The following TENM3 variants were observed in gnomAD, a reference collection of about 807,000 sequenced individuals.
TENM3 encodes teneurin-3.
TENM3 carries 63 observed loss-of-function variants against 255.1 expected under a neutral mutation model. That is an observed-to-expected ratio of 0.25 (90% CI 0.20 to 0.30). TENM3 has a LOEUF of 0.30. TENM3 is among the 10% of genes least tolerant of loss of function. The probability of loss-of-function intolerance (pLI) is 1.00; values close to 1 mark genes in which losing one functional copy is unlikely to be tolerated. For missense variants in TENM3, 2,929 were observed against 3,461.1 expected, an observed-to-expected ratio of 0.85 and a Z score of 3.86; for synonymous variants, 1,306 against 1,322.3, an observed-to-expected ratio of 0.99 and a Z score of 0.27.
chr4:181,812,796 C>T, the TENM3 span, among the ~76,000 whole-genome samples: 177 of 152,256 alleles, frequency 1.2e-3, no homozygotes, highest in Non-Finnish European at 2.1e-3. Context: ...CACCCATGAT[C>T]AGAGTCACAG....
At chr4:182,083,545 C>A in the TENM3 span, among the ~76,000 whole-genome samples, 1 of 152,062 alleles carries the variant, frequency 6.6e-6, no homozygotes, top group Non-Finnish European at 1.5e-5. Context: ...GGTAAATGTG[C>A]CGCATTTTAG....
At chr4:182,117,472 T>G in the TENM3 span, among the ~76,000 whole-genome samples, 13 of 152,234 alleles carry the variant, frequency 8.5e-5, no homozygotes, top group African/African-American at 2.7e-4. Context: ...TGAGTTAATT[T>G]TTGTGAACAT....
At chr4:182,322,027 C>T (rs1763085906) in intron 1 of TENM3, among the ~76,000 whole-genome samples, 1 of 152,010 alleles carries the variant, frequency 6.6e-6, no homozygotes, top group South Asian at 2.1e-4. Flanking sequence ...TGTTTTAATC[C>T]TTTGGTATAA....
intron 4 of TENM3, among the ~76,000 whole-genome samples, chr4:182,610,985 G>T (rs1748945248): frequency 6.7e-6 from 1 of 149,904 alleles, no homozygotes; most frequent in Admixed American, 6.7e-5. Flanking sequence ...AGGCTCATGT[G>T]ATGCTCTCAC....
At position 182,799,506 on chromosome 4, in the gene TENM3, C is replaced by T. The variant is rs1036501197; in HGVS notation, c.7345-90C>T. ...GACCCCGGGGCTTCCATGCATGCCC[C>T]GGCGCTGCCCCCAGAGTCCCGTGTG... is the stretch of plus-strand genomic sequence containing the variant. On this transcript the variant is annotated intron_variant, in intron 27 of 27. Coordinates refer to ENST00000511685, the MANE Select transcript of TENM3 (RefSeq NM_001080477.4). The surrounding 1 kb of genome is among the most constrained non-coding windows in gnomAD (Gnocchi z 4.2). 2.0e-6 allele frequency: 3 copies of T among 1,476,636 alleles called. No homozygotes were observed. Among genetic ancestry groups the T allele is most frequent in the Admixed American group, 2.7e-5 (1 of 37,200 alleles). The allele number at this position is 1,476,636 out of a possible 1,614,324, so 91.5% of individuals were successfully genotyped here.
the TENM3 span, among the ~76,000 whole-genome samples, chr4:181,752,701 G>A: frequency 4.6e-5 from 7 of 151,758 alleles, no homozygotes; most frequent in South Asian, 4.2e-4. Context: ...AACCCCTGCC[G>A]CAGACAGCAC....
chr4:182,129,113 G>A, the TENM3 span, among the ~76,000 whole-genome samples: 9 of 152,162 alleles, frequency 5.9e-5, no homozygotes, highest in East Asian at 1.9e-4. Context: ...GACAGCTAGC[G>A]CTGTGCAAAG....
In TENM3 at chr4:182,754,503, G is replaced by A. The variant is rs1762588195; in HGVS notation, c.4136G>A (p.Gly1379Glu). The A allele has an allele frequency of 6.2e-7, 1 of 1,613,734 alleles. No homozygotes were observed. Among genetic ancestry groups the A allele is most frequent in the Non-Finnish European group, 8.5e-7 (1 of 1,179,830 alleles). Reference sequence around the variant, plus strand: ...AATCGTCAAGTTCGCATTGCTGCTGGACGGCCCATGCACTGTCAGGTTCCC... The same window carrying A: ...AATCGTCAAGTTCGCATTGCTGCTGAACGGCCCATGCACTGTCAGGTTCCC... Reference protein sequence around the residue: ...TENRQVRIAAGRPMHCQVPGV... With the variant: ...TENRQVRIAAERPMHCQVPGV... Residue 1379 changes from glycine to glutamate, a missense_variant, in exon 22 of 28, where the codon GGA (glycine) becomes GAA (glutamate). This residue lies in a region of TENM3 where 1,608 missense variants were observed against 1,884.4 expected (regional missense o/e 0.85). Coordinates refer to ENST00000511685, the MANE Select transcript of TENM3 (RefSeq NM_001080477.4). This position sits in a 1 kb window ranked among gnomAD's most constrained non-coding sequence, Gnocchi z 5.1.
At chr4:181,666,774 T>G in the TENM3 span, among the ~76,000 whole-genome samples, 1 of 152,204 alleles carries the variant, frequency 6.6e-6, no homozygotes, top group South Asian at 2.1e-4. Flanking sequence ...ATAAAAAGAA[T>G]ACTGGATTTA....
intron 15 of TENM3, 128 bp downstream of exon 15, chr4:182,730,447 T>G (rs1437774271): frequency 9.9e-7 from 1 of 1,005,684 alleles, no homozygotes; most frequent in Non-Finnish European, 1.4e-6. Flanking sequence ...CTCTACAAAC[T>G]TGTGACAGTA....
the TENM3 span, among the ~76,000 whole-genome samples, chr4:181,821,863 T>C: frequency 2.0e-5 from 3 of 152,176 alleles, no homozygotes; most frequent in Non-Finnish European, 4.4e-5. Context: ...TTAGACAGGA[T>C]TAGTATCAAC....
chr4:182,567,114 C>G (rs971644915), intron 3 of TENM3, among the ~76,000 whole-genome samples: 1 of 152,156 alleles, frequency 6.6e-6, no homozygotes, highest in Non-Finnish European at 1.5e-5. Context: ...CCCTGGAAAT[C>G]AAAACGTAGG....
chr4:182,280,159 G>T lies in TENM3; in HGVS notation c.-76+36683G>T, dbSNP rs529469894. Among the ~76,000 whole-genome samples the T allele has an allele frequency of 3.3e-5, 5 of 152,300 alleles. No homozygotes were observed. The South Asian group carries it at 8.3e-4, about 25-fold the overall frequency. On this transcript the variant is annotated intron_variant, in intron 1 of 27. Coordinates refer to ENST00000511685, the MANE Select transcript of TENM3 (RefSeq NM_001080477.4). ...ACATCAAAACTCCTGTCCTTTAAAT[G>T]ACCATTCAGTTGGAGACTTCTTTTG...
At chr4:181,932,761 A>ACCCAAAT in the TENM3 span, among the ~76,000 whole-genome samples, 1 of 152,212 alleles carries the variant, frequency 6.6e-6, no homozygotes, top group Non-Finnish European at 1.5e-5. Context: ...CTTGGAACCA[A>ACCCAAAT]CCCAAATGCC....
At chr4:182,655,084 A>C (rs1309720120) in intron 6 of TENM3, among the ~76,000 whole-genome samples, 1 of 152,206 alleles carries the variant, frequency 6.6e-6, no homozygotes, top group East Asian at 1.9e-4. Context: ...AGAGGGTTGA[A>C]ACTATAGATT....
intron 3 of TENM3, among the ~76,000 whole-genome samples, chr4:182,402,235 T>C: frequency 6.6e-6 from 1 of 152,234 alleles, no homozygotes; most frequent in Middle Eastern, 3.2e-3. Flanking sequence ...TCGTTTATTT[T>C]GCTATTCTTA....
intron 1 of TENM3, among the ~76,000 whole-genome samples, chr4:182,231,511 T>G (rs1041807296): frequency 2.6e-5 from 4 of 152,198 alleles, no homozygotes; most frequent in African/African-American, 7.2e-5. Flanking sequence ...CGTGCCCATT[T>G]GCTCAGCTTT....
chr4:181,577,063 A>G, the TENM3 span, among the ~76,000 whole-genome samples: 3 of 115,544 alleles, frequency 2.6e-5, no homozygotes, highest in Admixed American at 3.4e-4. Flanking sequence ...TAAATTATAT[A>G]TTATATATAA....
chr4:181,973,502 C>T, the TENM3 span, among the ~76,000 whole-genome samples: 1 of 152,100 alleles, frequency 6.6e-6, no homozygotes, highest in East Asian at 1.9e-4. Context: ...GCAGGAGGAT[C>T]GCTTGAGGCT....
Sources: allele counts gnomAD v4.1 joint callset (sites outside exome capture counted in the v4.1 genomes callset), GRCh38; gene constraint gnomAD v4.1.1; regional missense constraint gnomAD v4.1.1; non-coding constraint Gnocchi (gnomAD v3.1); transcripts MANE v1.5; gene names NCBI Gene and HGNC (gene_info 2026-07-23, HGNC 2026-07-21).